Variants in PPA2 observed in about 807,000 individuals in gnomAD.
The protein encoded by PPA2 is inorganic pyrophosphatase 2, also known as inorganic pyrophosphatase 2, mitochondrial.
A neutral mutation model predicts 49.5 loss-of-function variants in PPA2; 48 were observed. The observed-to-expected ratio is 0.97, with a 90% CI of 0.77 to 1.23. The LOEUF (loss-of-function observed/expected upper bound fraction) is 1.23, where lower values mean the gene tolerates loss of function less well. PPA2 is among the 50% of genes most tolerant of loss of function. The pLI, the probability that PPA2 is intolerant of heterozygous loss-of-function variation, is 0.00. For synonymous variants in PPA2, 131 were observed against 139.9 expected (o/e 0.94, Z 0.45); for missense variants, 429 against 410.1 (o/e 1.05, Z -0.40).
chr4:105,424,393 T>C, intron 6 of PPA2, 71 bp from the exon 7 acceptor site: 3 of 1,306,694 alleles, frequency 2.3e-6, no homozygotes, highest in Admixed American at 2.8e-5. Context: ...AAAATCCATA[T>C]AAAAGATTAA....
chr4:105,398,034 T>A (rs1198639666), intron 8 of PPA2, among the ~76,000 whole-genome samples: 2 of 152,034 alleles, frequency 1.3e-5, no homozygotes, highest in African/African-American at 4.8e-5. Flanking sequence ...TGAAGTTGTA[T>A]AAATGACCTC....
In PPA2 at chr4:105,449,702, T is replaced by G. The variant is rs1722586688; in HGVS notation, c.268-299A>C. Among the ~76,000 whole-genome samples, 3 of 152,150 alleles carry G rather than the reference T, an allele frequency of 2.0e-5. No individual in the cohort carries two copies. In the South Asian group the frequency reaches 6.2e-4, roughly 32 times the overall value. ...ATGGAGTCAAGAAATGTGTTTCAAT[T>G]TTTATTTTCCAACTAAAATAGAAGT... On this transcript the variant is annotated intron_variant, in intron 3 of 11. Transcript: ENST00000341695.
chr4:105,419,548 T>C (rs1304855621), intron 7 of PPA2, among the ~76,000 whole-genome samples: 1 of 152,194 alleles, frequency 6.6e-6, no homozygotes, highest in Non-Finnish European at 1.5e-5. Context: ...ACTAGAAGAC[T>C]TAAAACAGTA....
chr4:105,378,081 T>C (rs1225234670), intron 10 of PPA2, among the ~76,000 whole-genome samples: 2 of 152,192 alleles, frequency 1.3e-5, no homozygotes, highest in Non-Finnish European at 2.9e-5. Context: ...ATCACATGGA[T>C]CACATGATAT....
rs578248619 is a variant in PPA2, at chr4:105,462,573, T to C, written c.158-5828A>G. 4.6e-5 allele frequency among the ~76,000 whole-genome samples: 7 copies of C among 152,354 alleles called. No individual in the cohort carries two copies. The East Asian group carries it at 1.3e-3, about 29-fold the overall frequency. On this transcript the variant is annotated intron_variant, in intron 1 of 11. Transcript: ENST00000341695. ...ATCAATTGTAGAAATTACCTACTGA[T>C]TCCAATTCTGAGAGATAGTTTAGTT... is the stretch of plus-strand genomic sequence containing the variant.
intron 7 of PPA2, among the ~76,000 whole-genome samples, chr4:105,410,971 T>C (rs1334321926): frequency 6.6e-6 from 1 of 152,150 alleles, no homozygotes; most frequent in Admixed American, 6.5e-5. Flanking sequence ...TGCCAAATGG[T>C]AAAGACCATC....
At chr4:105,424,100 A>G in intron 7 of PPA2, 96 bp downstream of exon 7, 3 of 1,270,096 alleles carry the variant, frequency 2.4e-6, no homozygotes, top group Non-Finnish European at 3.3e-6. Flanking sequence ...TTTTTTAAAA[A>G]GTACATTTAA....
At chr4:105,424,126 T>C (rs920147367) in intron 7 of PPA2, 70 bp downstream of exon 7, 5 of 1,517,274 alleles carry the variant, frequency 3.3e-6, no homozygotes, top group Admixed American at 4.4e-5. Flanking sequence ...CTATGTGAAC[T>C]TCTTTTAAGT....
intron 10 of PPA2, among the ~76,000 whole-genome samples, chr4:105,384,011 G>A (rs1733593045): frequency 1.3e-5 from 2 of 152,082 alleles, no homozygotes; most frequent in Admixed American, 1.3e-4. Context: ...ATACTTCAAT[G>A]TGATTCTGAA....
At chr4:105,451,562 A>G (rs1232549086) in intron 3 of PPA2, among the ~76,000 whole-genome samples, 1 of 152,220 alleles carries the variant, frequency 6.6e-6, no homozygotes, top group Non-Finnish European at 1.5e-5. Context: ...GTAGCTGTTA[A>G]AAAGAAAAAC....
intron 1 of PPA2, among the ~76,000 whole-genome samples, chr4:105,472,401 CAG>C (rs1723558915): frequency 6.6e-6 from 1 of 152,226 alleles, no homozygotes; most frequent in Admixed American, 6.5e-5. Context: ...CTATGCCTAA[CAG>C]TGTCTAGCAC....
chr4:105,468,163 G>A lies in PPA2; in HGVS notation c.157+5731C>T, dbSNP rs1205335675. ...CATGGCTGTATGTTACAATGGCAGA[G>A]CTGAGTAGTTGTGACAGAGACTGAA... is the stretch of plus-strand genomic sequence containing the variant. On this transcript the variant is annotated intron_variant, in intron 1 of 11. Coordinates refer to ENST00000341695, the MANE Select transcript of PPA2 (RefSeq NM_176869.3). Among the ~76,000 whole-genome samples the A allele has an allele frequency of 2.0e-5, 3 of 152,194 alleles. No homozygotes were observed. The East Asian group carries it at 5.8e-4, about 29-fold the overall frequency.
Position 105,434,597 on chromosome 4 carries a change from C to G in PPA2, c.528+3353G>C, listed in dbSNP as rs376951555. Among the ~76,000 whole-genome samples the G allele has an allele frequency of 6.6e-5, 10 of 152,256 alleles. No homozygotes were observed. In the East Asian group the frequency reaches 1.5e-3, roughly 23 times the overall value. On this transcript the variant is annotated intron_variant, in intron 6 of 11. Transcript: ENST00000341695. ...TAAGAAATCCTGTAGATGACTCTGG[C>G]AGCAGGGTATAAGAATTCCTGGAAA...
intron 1 of PPA2, chr4:105,473,669 C>G (rs1325011211): frequency 7.5e-6 from 6 of 795,266 alleles, no homozygotes; most frequent in African/African-American, 1.7e-5. Context: ...CCCTGCGCCT[C>G]TGCTCTCCGC....
At position 105,456,837 on chromosome 4, in the gene PPA2, A is replaced by C. The variant is rs1406600096; in HGVS notation, c.158-92T>G. The C allele has an allele frequency of 3.1e-6, 3 of 981,134 alleles. No homozygotes were observed. In the African/African-American group the frequency reaches 5.1e-5, roughly 17 times the overall value. 60.8% of individuals were successfully genotyped at this position (981,134 alleles called of 1,614,324 possible). On this transcript the variant is annotated intron_variant, in intron 1 of 11. Coordinates refer to ENST00000341695, the MANE Select transcript of PPA2 (RefSeq NM_176869.3). ...ATAATAAACATCCTTATCCACTTTTAAACTTACGCATTTTTTACAAAGCTA... is the reference window on the plus strand; with the variant it reads ...ATAATAAACATCCTTATCCACTTTTCAACTTACGCATTTTTTACAAAGCTA...
At chr4:105,376,696 G>A (rs1224778389) in intron 10 of PPA2, among the ~76,000 whole-genome samples, 1 of 152,170 alleles carries the variant, frequency 6.6e-6, no homozygotes, top group Admixed American at 6.5e-5. Context: ...CTGAGCAAGT[G>A]TATAGCTACT....
intron 1 of PPA2, 114 bp downstream of exon 1, chr4:105,473,780 G>T (rs1377426417): frequency 6.9e-7 from 1 of 1,448,742 alleles, no homozygotes; most frequent in East Asian, 2.3e-5. Context: ...CTACCGCTGA[G>T]GGCCCCAAAA....
At chr4:105,390,094 A>C (rs1733851565) in intron 9 of PPA2, among the ~76,000 whole-genome samples, 1 of 152,188 alleles carries the variant, frequency 6.6e-6, no homozygotes, top group South Asian at 2.1e-4. Context: ...GTGCTGGGAA[A>C]ACTGGCTATC....
In PPA2 at chr4:105,438,013, T is replaced by C. The variant is rs150745595; in HGVS notation, c.465A>G (p.Lys155=). The C allele has an allele frequency of 1.9e-6, 3 of 1,606,148 alleles. No homozygotes were observed. The South Asian group carries it at 3.4e-5, about 18-fold the overall frequency. ...LPQTWEDPHE[K]DKSTNCFGDN... is the part of the protein sequence containing the mutation. Reference sequence around the variant, plus strand: ...CTCCAAAGCAGTTCGTGCTCTTATCTTTTTCATGGGGATCTTCCCAAGTCT... The same window carrying C: ...CTCCAAAGCAGTTCGTGCTCTTATCCTTTTCATGGGGATCTTCCCAAGTCT... The change falls in exon 6 of 12, where the codon AAA becomes AAG. Residue 155 remains lysine (K), a synonymous_variant. Coordinates refer to ENST00000341695, the MANE Select transcript of PPA2 (RefSeq NM_176869.3).
Sources: gnomAD v4.1 joint callset for allele counts (sites outside exome capture counted in the v4.1 genomes callset) on GRCh38, gnomAD v4.1.1 for gene constraint, MANE v1.5 for transcripts, NCBI Gene and HGNC (gene_info 2026-07-23, HGNC 2026-07-21) for gene names.